The following KALRN variants were observed in gnomAD, a reference collection of about 807,000 sequenced individuals.
KALRN encodes kalirin.
In KALRN, 70 loss-of-function variants were observed where a neutral mutation model predicts 353.7. That is an observed-to-expected ratio of 0.20 (90% CI 0.16 to 0.24). The LOEUF (loss-of-function observed/expected upper bound fraction) is 0.24, where lower values mean the gene tolerates loss of function less well. Ranked by LOEUF, KALRN falls within the 10% of genes least tolerant of loss-of-function variation. The probability of loss-of-function intolerance (pLI) is 1.00; values close to 1 mark genes in which losing one functional copy is unlikely to be tolerated. For missense variants in KALRN, 2,791 were observed against 3,756.7 expected, an observed-to-expected ratio of 0.74 and a Z score of 6.72; for synonymous variants, 1,391 against 1,434.8, an observed-to-expected ratio of 0.97 and a Z score of 0.69.
At chr3:124,593,104 C>T (rs1188198858) in intron 34 of KALRN, among the ~76,000 whole-genome samples, 1 of 152,164 alleles carries the variant, frequency 6.6e-6, no homozygotes, top group African/African-American at 2.4e-5. Flanking sequence ...CATCAGCTGT[C>T]AGGATATTCT....
chr3:124,357,112 G>A (rs141834570), intron 10 of KALRN, among the ~76,000 whole-genome samples: 9 of 152,302 alleles, frequency 5.9e-5, no homozygotes, highest in South Asian at 4.2e-4. Context: ...AGAAACTTGG[G>A]AGTCATTCTT....
At chr3:124,295,706 C>T (rs2076793717) in intron 5 of KALRN, among the ~76,000 whole-genome samples, 1 of 152,132 alleles carries the variant, frequency 6.6e-6, no homozygotes, top group Non-Finnish European at 1.5e-5. Context: ...GGACTTCAGG[C>T]ATTTCAGACT....
At chr3:124,461,754 A>G in intron 23 of KALRN, 136 bp from the exon 24 acceptor site, 5 of 642,496 alleles carry the variant, frequency 7.8e-6, no homozygotes, top group Non-Finnish European at 1.4e-5. Flanking sequence ...ATTTTGAAGA[A>G]AGGAAAAGAC....
At chr3:124,230,117 T>C (rs1475270939) in intron 2 of KALRN, among the ~76,000 whole-genome samples, 1 of 152,238 alleles carries the variant, frequency 6.6e-6, no homozygotes, top group Non-Finnish European at 1.5e-5. Flanking sequence ...CTGATCCCCG[T>C]AGCCTGGGCT....
chr3:124,116,250 G>A (rs1230554431), intron 1 of KALRN, among the ~76,000 whole-genome samples: 2 of 152,174 alleles, frequency 1.3e-5, no homozygotes, highest in Non-Finnish European at 2.9e-5. Flanking sequence ...AGCAAAAATA[G>A]CATAGACAGA....
intron 33 of KALRN, among the ~76,000 whole-genome samples, chr3:124,550,314 C>T (rs1344057780): frequency 6.6e-6 from 1 of 152,042 alleles, no homozygotes; most frequent in Non-Finnish European, 1.5e-5. Context: ...GAGGAAGAGG[C>T]CTGGTACAGG....
chr3:124,217,944 T>C (rs1441311883), intron 1 of KALRN, among the ~76,000 whole-genome samples: 2 of 152,204 alleles, frequency 1.3e-5, no homozygotes, highest in African/African-American at 2.4e-5. Flanking sequence ...TTGATGGTCA[T>C]GGTGAGGACA....
intron 6 of KALRN, among the ~76,000 whole-genome samples, chr3:124,312,994 A>G (rs1560534602): frequency 1.3e-5 from 2 of 152,230 alleles, no homozygotes; most frequent in Non-Finnish European, 2.9e-5. Context: ...CCTGAACACT[A>G]TTTGAGCATC....
At chr3:124,111,624 G>A (rs1009834771) in intron 1 of KALRN, among the ~76,000 whole-genome samples, 5 of 152,170 alleles carry the variant, frequency 3.3e-5, no homozygotes, top group Admixed American at 6.5e-5. Flanking sequence ...CATGGTTCTT[G>A]TTCTACTTTG....
chr3:124,076,259 A>T (rs2060254484), intron 1 of KALRN, among the ~76,000 whole-genome samples: 1 of 152,346 alleles, frequency 6.6e-6, no homozygotes, highest in East Asian at 1.9e-4. Context: ...GTGGGGGGAT[A>T]GGAAGGGAGT....
chr3:124,429,692 T>G (rs1291843169), intron 15 of KALRN, among the ~76,000 whole-genome samples: 2 of 152,202 alleles, frequency 1.3e-5, no homozygotes, highest in Non-Finnish European at 1.5e-5. Flanking sequence ...TGTCAGCTGT[T>G]TCTTCTTCTA....
chr3:124,142,215 G>A (rs540468598), intron 1 of KALRN, among the ~76,000 whole-genome samples: 5 of 152,268 alleles, frequency 3.3e-5, no homozygotes, highest in Admixed American at 2.0e-4. Flanking sequence ...CTTAGAGAGC[G>A]GATGCCTGAG....
intron 10 of KALRN, among the ~76,000 whole-genome samples, chr3:124,380,271 A>G (rs2087161852): frequency 6.6e-6 from 1 of 152,230 alleles, no homozygotes; most frequent in Non-Finnish European, 1.5e-5. Context: ...ATTCAGAGAC[A>G]AATTATCCTA....
At chr3:124,300,785 G>A (rs2077204523) in intron 6 of KALRN, among the ~76,000 whole-genome samples, 1 of 152,200 alleles carries the variant, frequency 6.6e-6, no homozygotes, top group Non-Finnish European at 1.5e-5. Flanking sequence ...AGACCAGGCA[G>A]GGAAATCATC....
At chr3:124,374,083 G>T (rs2086247119) in intron 10 of KALRN, among the ~76,000 whole-genome samples, 1 of 152,168 alleles carries the variant, frequency 6.6e-6, no homozygotes, top group South Asian at 2.1e-4. Flanking sequence ...GTATTATGAG[G>T]CAGGAACTTT....
At chr3:124,628,983 G>A (rs2080432224) in intron 34 of KALRN, among the ~76,000 whole-genome samples, 1 of 152,144 alleles carries the variant, frequency 6.6e-6, no homozygotes, top group South Asian at 2.1e-4. Context: ...TCTAGTCTAG[G>A]TCTAGGGCAA....
intron 51 of KALRN, 178 bp downstream of exon 51, chr3:124,679,695 T>A (rs1340349497): frequency 1.4e-6 from 1 of 704,846 alleles, no homozygotes; most frequent in Non-Finnish European, 2.6e-6. Flanking sequence ...CAGTTCAGTG[T>A]TGGTAGAAAA....
chr3:124,142,458 T>C (rs1202547042), intron 1 of KALRN, among the ~76,000 whole-genome samples: 3 of 152,240 alleles, frequency 2.0e-5, no homozygotes, highest in African/African-American at 7.2e-5. Flanking sequence ...GTGTGAGTCC[T>C]ACTTCCCTGG....
chr3:124,462,316 T>A (rs1398504584), intron 24 of KALRN, among the ~76,000 whole-genome samples: 1 of 152,220 alleles, frequency 6.6e-6, no homozygotes, highest in Non-Finnish European at 1.5e-5. Context: ...CAAGAGACTG[T>A]GGAGTTTGTG....
Sources: allele counts gnomAD v4.1 joint callset (sites outside exome capture counted in the v4.1 genomes callset), GRCh38; gene constraint gnomAD v4.1.1; transcripts MANE v1.5; gene names NCBI Gene and HGNC (gene_info 2026-07-23, HGNC 2026-07-21).